AGBL4: variants seen among roughly 807,000 people sequenced by gnomAD.
The protein encoded by AGBL4 is cytosolic carboxypeptidase 6.
In AGBL4, 58 loss-of-function variants were observed where a neutral mutation model predicts 66.4. The observed-to-expected ratio is 0.87, with a 90% CI of 0.71 to 1.09. The LOEUF (loss-of-function observed/expected upper bound fraction) is 1.09, where lower values mean the gene tolerates loss of function less well. AGBL4 is among the 50% of genes least tolerant of loss of function. The probability of loss-of-function intolerance (pLI) is 0.00; values close to 1 mark genes in which losing one functional copy is unlikely to be tolerated. For synonymous variants in AGBL4, 234 were observed against 222.9 expected (o/e 1.05, Z -0.44); for missense variants, 579 against 631.0 (o/e 0.92, Z 0.88).
intron 9 of AGBL4, among the ~76,000 whole-genome samples, chr1:48,609,330 C>T (rs1645201379): frequency 6.6e-6 from 1 of 152,138 alleles, no homozygotes; most frequent in Non-Finnish European, 1.5e-5. Flanking sequence ...ATGATCTGGC[C>T]CTACCCACTT....
At chr1:49,703,730 A>C (rs1461727879) in intron 2 of AGBL4, among the ~76,000 whole-genome samples, 1 of 152,060 alleles carries the variant, frequency 6.6e-6, no homozygotes, top group Non-Finnish European at 1.5e-5. Flanking sequence ...CAGCAAGAAA[A>C]ACAAATAAAA....
intron 6 of AGBL4, among the ~76,000 whole-genome samples, chr1:48,824,020 T>TGA (rs1646372266): frequency 6.6e-6 from 1 of 152,096 alleles, no homozygotes; most frequent in Admixed American, 6.5e-5. Context: ...ATAGTTTCCT[T>TGA]CTCCCAAGAT....
intron 4 of AGBL4, among the ~76,000 whole-genome samples, chr1:49,048,591 T>C (rs915676649): frequency 2.0e-5 from 3 of 152,194 alleles, no homozygotes; most frequent in Admixed American, 1.3e-4. Context: ...TTTCAAGTAA[T>C]GCAAAGAATA....
chr1:49,769,832 C>T lies in AGBL4; in HGVS notation c.158-72395G>A, dbSNP rs192483845. Among the ~76,000 whole-genome samples, 8 of 152,200 alleles carry T rather than the reference C, an allele frequency of 5.3e-5. No homozygotes were observed. The South Asian group carries it at 6.2e-4, about 12-fold the overall frequency. ...ACTCAATATGGATTAAAGATTTAAA[C>T]GTAAGACCTCAAACTATAAAAATTC... On this transcript the variant is annotated intron_variant, in intron 2 of 13. Transcript: ENST00000371839.
chr1:48,900,528 T>G (rs1057206217), intron 5 of AGBL4, among the ~76,000 whole-genome samples: 1 of 152,160 alleles, frequency 6.6e-6, no homozygotes, highest in African/African-American at 2.4e-5. Context: ...GTGGTTTGGT[T>G]TTAGCATAAT....
chr1:49,245,864 T>C lies in AGBL4; in HGVS notation c.283A>G (p.Arg95Gly), dbSNP rs779293757. 2.1e-5 allele frequency: 32 copies of C among 1,544,770 alleles called. No individual in the cohort carries two copies. The highest frequency in any genetic ancestry group is 2.8e-5 in the Non-Finnish European group (32 of 1,141,508). Residue 95 changes from arginine to glycine, a missense_variant and splice_region_variant, in exon 4 of 14, where the codon AGG becomes GGG. By Grantham distance (125) the Arg-to-Gly change is moderately radical. Transcript: ENST00000371839. Reference sequence around the variant, plus strand: ...AAGTTAACAATGTTGAAAATGACCCTCTGAAAAAGAAAGAGGGAGAAGTTC... The same window carrying C: ...AAGTTAACAATGTTGAAAATGACCCCCTGAAAAAGAAAGAGGGAGAAGTTC... The part of the protein sequence containing the change: ...FTVENVKESQ[R>G]VIFNIVNFSK...
At chr1:49,154,229 G>C (rs1341621405) in intron 4 of AGBL4, among the ~76,000 whole-genome samples, 1 of 152,008 alleles carries the variant, frequency 6.6e-6, no homozygotes. Flanking sequence ...AGAGGCCAGT[G>C]ATTCAAAACA....
chr1:49,654,252 C>A (rs1646070838), intron 3 of AGBL4, among the ~76,000 whole-genome samples: 1 of 152,120 alleles, frequency 6.6e-6, no homozygotes, highest in South Asian at 2.1e-4. Context: ...GTTTCTTAAT[C>A]CTGAGTTCTA....
In AGBL4 at chr1:49,933,779, T is replaced by C. The variant is rs111288066; in HGVS notation, c.35-82261A>G. ...CCATCACAAATACATACAAAAGACA[T>C]AGAAAAGAAAAAGAGAAAGGAGTAA... On this transcript the variant is annotated intron_variant, in intron 1 of 13. Coordinates refer to ENST00000371839, the MANE Select transcript of AGBL4 (RefSeq NM_032785.4). Among the ~76,000 whole-genome samples, 13 of 150,980 alleles carry C rather than the reference T, an allele frequency of 8.6e-5. 1 individual carries two copies. Among genetic ancestry groups the C allele is most frequent in the African/African-American group, 2.7e-4 (11 of 41,126 alleles).
intron 3 of AGBL4, among the ~76,000 whole-genome samples, chr1:49,413,338 C>T (rs1050596491): frequency 1.3e-5 from 2 of 152,106 alleles, no homozygotes; most frequent in South Asian, 4.1e-4. Context: ...TGACCTTGAC[C>T]TCAAGGCATT....
intron 6 of AGBL4, among the ~76,000 whole-genome samples, chr1:48,845,370 G>A (rs1646886445): frequency 6.6e-6 from 1 of 152,168 alleles, no homozygotes; most frequent in African/African-American, 2.4e-5. Context: ...AATAGCAGTA[G>A]TCATCAGGCT....
chr1:49,525,567 C>T lies in AGBL4; in HGVS notation c.282+171746G>A, dbSNP rs1650592766. Among the ~76,000 whole-genome samples the T allele has an allele frequency of 2.6e-5, 4 of 151,908 alleles. No individual in the cohort carries two copies. In the South Asian group the frequency reaches 8.3e-4, roughly 32 times the overall value. ...GGTCTATAGTAGCCTCTTGTTTGGGCATGGAAATAAAGAGGAGGGGGCAAC... is the reference window on the plus strand; with the variant it reads ...GGTCTATAGTAGCCTCTTGTTTGGGTATGGAAATAAAGAGGAGGGGGCAAC... On this transcript the variant is annotated intron_variant, in intron 3 of 13. Transcript: ENST00000371839.
At chr1:49,079,951 A>G (rs1644779438) in intron 4 of AGBL4, among the ~76,000 whole-genome samples, 1 of 152,204 alleles carries the variant, frequency 6.6e-6, no homozygotes, top group South Asian at 2.1e-4. Context: ...GTGCTAAGAC[A>G]TTTAGAAAAA....
chr1:48,951,912 G>A (rs1042473175), intron 5 of AGBL4, among the ~76,000 whole-genome samples: 1 of 152,196 alleles, frequency 6.6e-6, no homozygotes, highest in African/African-American at 2.4e-5. Flanking sequence ...TATGAGGGAA[G>A]CATTATTTTC....
intron 2 of AGBL4, among the ~76,000 whole-genome samples, chr1:49,815,668 C>T (rs150674642): frequency 3.9e-5 from 6 of 152,200 alleles, no homozygotes; most frequent in Admixed American, 2.0e-4. Flanking sequence ...CACATTCTCA[C>T]CAGCATTTTT....
intron 1 of AGBL4, among the ~76,000 whole-genome samples, chr1:49,897,128 C>A (rs1414784044): frequency 1.3e-5 from 2 of 151,996 alleles, no homozygotes; most frequent in African/African-American, 2.4e-5. Flanking sequence ...AAATAACAGA[C>A]AGACATAAAG....
intron 6 of AGBL4, among the ~76,000 whole-genome samples, chr1:48,829,770 T>A (rs780872615): frequency 1.3e-5 from 2 of 152,182 alleles, no homozygotes; most frequent in Admixed American, 6.5e-5. Flanking sequence ...CTTAAAATTA[T>A]GGAAATTGTT....
Position 49,568,487 on chromosome 1 carries a change from T to TCACACACACACACACACA in AGBL4, c.282+128808_282+128825dup, listed in dbSNP as rs71059555. 2.4e-3 allele frequency among the ~76,000 whole-genome samples: 313 copies of TCACACACACACACACACA among 131,270 alleles called. 2 individuals are homozygous for TCACACACACACACACACA. Among genetic ancestry groups the TCACACACACACACACACA allele is most frequent in the Non-Finnish European group, 3.0e-3 (188 of 62,112 alleles). The allele number at this position is 131,270 out of a possible 152,430, so 86.1% of individuals were successfully genotyped here. A position where few individuals can be genotyped will look rare whatever the true frequency, so the allele number is the denominator to read the frequency against. On this transcript the variant is annotated intron_variant, in intron 3 of 13. Transcript: ENST00000371839. Reference sequence around the variant, plus strand: ...AAACACTGCTCAAAGAAATAAGTGATCACACACACACACACACACACACAC... The same window carrying TCACACACACACACACACA: ...AAACACTGCTCAAAGAAATAAGTGATCACACACACACACACACACACACACACACACACACACACACAC...
In AGBL4 at chr1:49,845,810, T is replaced by G. The variant is rs571925304; in HGVS notation, c.157+5586A>C. On this transcript the variant is annotated intron_variant, in intron 2 of 13. Coordinates refer to ENST00000371839, the MANE Select transcript of AGBL4 (RefSeq NM_032785.4). ...TCCTCACTTAGCCAGCAGGAGCGGA[T>G]GCACACAGGAGAGAAGCCGTTCGAC... 2.8e-5 allele frequency: 43 copies of G among 1,539,076 alleles called. 1 individual carries two copies. In the African/African-American group the frequency reaches 3.0e-4, roughly 11 times the overall value.
Sources: allele counts gnomAD v4.1 joint callset (sites outside exome capture counted in the v4.1 genomes callset), GRCh38; gene constraint gnomAD v4.1.1; transcripts MANE v1.5; gene names NCBI Gene and HGNC (gene_info 2026-07-23, HGNC 2026-07-21).